Variants in ERCC1 observed in about 807,000 individuals in gnomAD.
ERCC1 encodes the protein DNA excision repair protein ERCC-1.
Under a neutral mutation model 37.6 loss-of-function variants are expected in ERCC1, and 36 were observed. The ratio of observed to expected loss-of-function variants is 0.96; its 90% CI spans 0.73 to 1.26. ERCC1 has a LOEUF of 1.26. Among genes scored for constraint, ERCC1 ranks in the 50% most tolerant of loss-of-function variants. The probability of loss-of-function intolerance (pLI) is 0.00; values close to 1 mark genes in which losing one functional copy is unlikely to be tolerated. For missense variants in ERCC1, 349 were observed against 376.5 expected, an observed-to-expected ratio of 0.93 and a Z score of 0.60; for synonymous variants, 156 against 162.1, an observed-to-expected ratio of 0.96 and a Z score of 0.28.
intron 1 of ERCC1, among the ~76,000 whole-genome samples, chr19:45,447,906 C>G (rs1966998203): frequency 6.7e-6 from 1 of 148,698 alleles, no homozygotes; most frequent in Non-Finnish European, 1.5e-5. Context: ...GTATCTTGCT[C>G]TGTCACCCAG....
At position 45,423,394 on chromosome 19, in the gene ERCC1, G is replaced by T. The variant is rs546381806; in HGVS notation, c.-7-13C>A. 1.9e-6 allele frequency: 3 copies of T among 1,603,638 alleles called. No homozygotes were observed. The Admixed American group carries it at 5.1e-5, about 27-fold the overall frequency. The stretch of plus-strand genomic sequence containing the variant: ...GTCCATCTGGAGCCTGAAAGGGAAG[G>T]TGCCAGGAGCGAGTGAGCCACTGGC... On this transcript the variant is annotated splice_polypyrimidine_tract_variant and intron_variant, in intron 1 of 9. Coordinates refer to ENST00000300853, the MANE Select transcript of ERCC1 (RefSeq NM_001983.4).
At position 45,408,307 on chromosome 19, in the gene ERCC1, C is replaced by T. The variant is rs201322262; in HGVS notation, c.*1368G>A. ...TCACCTGTGCCTCAGCCCCCCAGGG[C>T]ACCCTAAGGATCCTTGAGGGTCCCC... On this transcript the variant is annotated 3_prime_UTR_variant, in exon 10 of 10. Coordinates refer to ENST00000300853, the MANE Select transcript of ERCC1 (RefSeq NM_001983.4). 153 of 1,612,638 alleles carry T rather than the reference C, an allele frequency of 9.5e-5. No homozygotes were observed. The highest frequency in any genetic ancestry group is 1.2e-4 in the Non-Finnish European group (140 of 1,179,236).
At chr19:45,425,879 CCT>C (rs1290772809), upstream of ERCC1, among the ~76,000 whole-genome samples, 1 of 152,094 alleles carries the variant, frequency 6.6e-6, no homozygotes, top group African/African-American at 2.4e-5. Flanking sequence ...ACATGACATC[CCT>C]CTGTTTCTTT....
chr19:45,414,254 T>A, intron 7 of ERCC1: 1 of 594,508 alleles, frequency 1.7e-6, no homozygotes, highest in Non-Finnish European at 3.0e-6. Flanking sequence ...GGCGGGAGGA[T>A]CACCTGAGGC....
At chr19:45,435,426 C>T (rs1220519016) in intron 1 of ERCC1, among the ~76,000 whole-genome samples, 3 of 152,202 alleles carry the variant, frequency 2.0e-5, no homozygotes, top group East Asian at 3.8e-4. Flanking sequence ...AAACCTTGTG[C>T]TCTGTCTCAG....
At chr19:45,450,042 G>A (rs932218238) in intron 1 of ERCC1, among the ~76,000 whole-genome samples, 3 of 152,156 alleles carry the variant, frequency 2.0e-5, no homozygotes, top group African/African-American at 7.2e-5. Flanking sequence ...ATTTTATACG[G>A]AGCACTTATT....
intron 1 of ERCC1, among the ~76,000 whole-genome samples, chr19:45,430,427 G>T (rs1298328781): frequency 1.3e-5 from 2 of 152,236 alleles, no homozygotes. Context: ...GGGGCTAAAA[G>T]TACTGGATCT....
chr19:45,449,482 A>AC (rs112190044), intron 1 of ERCC1, among the ~76,000 whole-genome samples: 11,178 of 151,678 alleles, frequency 0.074, 1,307 homozygotes, highest in African/African-American at 0.25. Context: ...ACATAATGAG[A>AC]CCCCCGTCTC....
chr19:45,437,297 A>T (rs1348599458), intron 1 of ERCC1, among the ~76,000 whole-genome samples: 1 of 151,818 alleles, frequency 6.6e-6, no homozygotes, highest in Admixed American at 6.6e-5. Context: ...TATATATATA[A>T]TAAGTAAAAA....
chr19:45,435,154 T>A (rs1171042955), intron 1 of ERCC1, among the ~76,000 whole-genome samples: 1 of 152,090 alleles, frequency 6.6e-6, no homozygotes. Flanking sequence ...CCTGACTTCA[T>A]GATCCATCCA....
intron 4 of ERCC1, among the ~76,000 whole-genome samples, chr19:45,419,830 G>A (rs1263028859): frequency 6.6e-6 from 1 of 151,990 alleles, no homozygotes; most frequent in Non-Finnish European, 1.5e-5. Flanking sequence ...TCAGATCCAG[G>A]AGTCTGGGCC....
intron 1 of ERCC1, among the ~76,000 whole-genome samples, chr19:45,439,482 G>A (rs1438256922): frequency 6.6e-6 from 1 of 152,190 alleles, no homozygotes; most frequent in African/African-American, 2.4e-5. Context: ...AGGATCGCTT[G>A]AGCCCAGGAG....
intron 9 of ERCC1, chr19:45,410,368 G>C (rs1973640770): frequency 6.6e-6 from 1 of 151,858 alleles, no homozygotes; most frequent in Non-Finnish European, 1.5e-5. Flanking sequence ...ATTTTTAGTA[G>C]AGACAGGGGT....
intron 9 of ERCC1, 85 bp from the exon 10 acceptor site, chr19:45,409,810 T>C: frequency 1.4e-6 from 1 of 717,880 alleles, no homozygotes; most frequent in Non-Finnish European, 2.6e-6. Flanking sequence ...TTTGGTTCTT[T>C]ATTTTCCCCT....
rs762103837 is a variant in ERCC1, at chr19:45,415,799, A to C, written c.603-839T>G. The C allele has an allele frequency of 1.1e-5, 5 of 455,976 alleles. 1 individual carries two copies. The highest frequency in any genetic ancestry group is 7.7e-5 in the South Asian group (5 of 64,552). 28.2% of individuals were successfully genotyped at this position (455,976 alleles called of 1,614,324 possible). On this transcript the variant is annotated intron_variant, in intron 6 of 9. Coordinates refer to ENST00000300853, the MANE Select transcript of ERCC1 (RefSeq NM_001983.4). Reference sequence around the variant, plus strand: ...AGCCCAACCCCACTTCTCCCTGGGTAACCCTGGGCCAGTGGTTTGCTCTCT... The same window carrying C: ...AGCCCAACCCCACTTCTCCCTGGGTCACCCTGGGCCAGTGGTTTGCTCTCT...
chr19:45,439,457 G>A (rs1474067972), intron 1 of ERCC1, among the ~76,000 whole-genome samples: 1 of 152,180 alleles, frequency 6.6e-6, no homozygotes, highest in Non-Finnish European at 1.5e-5. Context: ...CAGCACTTTG[G>A]GAGGCCGAGG....
upstream of ERCC1, among the ~76,000 whole-genome samples, chr19:45,426,042 G>A (rs769947220): frequency 1.3e-4 from 19 of 151,170 alleles, no homozygotes; most frequent in Non-Finnish European, 2.5e-4. Flanking sequence ...TCAGGAGTTC[G>A]AGACCAGCCT....
intron 1 of ERCC1, among the ~76,000 whole-genome samples, chr19:45,440,435 C>CGGGCTGA (rs1238703457): frequency 2.6e-5 from 4 of 151,808 alleles, no homozygotes; most frequent in Non-Finnish European, 5.9e-5. Context: ...AGGAGACCTG[C>CGGGCTGA]GGGCTGAGGG....
chr19:45,409,087 G>A lies in ERCC1; in HGVS notation c.*588C>T, dbSNP rs1206088531. 3 of 1,613,438 alleles carry A rather than the reference G, an allele frequency of 1.9e-6. No homozygotes were observed. Among genetic ancestry groups the A allele is most frequent in the Non-Finnish European group, 1.7e-6 (2 of 1,179,640 alleles). ...CGCCTCAACAGCCAGAAGGAGCGAA[G>A]CCTCAGGCCCAGGCAGCTCTGGCAG... On this transcript the variant is annotated 3_prime_UTR_variant, in exon 10 of 10. Transcript: ENST00000300853.
Sources: allele counts gnomAD v4.1 joint callset (sites outside exome capture counted in the v4.1 genomes callset), GRCh38; gene constraint gnomAD v4.1.1; transcripts MANE v1.5; gene names NCBI Gene and HGNC (gene_info 2026-07-23, HGNC 2026-07-21).